The following STXBP4 variants were observed in gnomAD, a reference collection of about 807,000 sequenced individuals.
STXBP4 encodes the protein syntaxin binding protein 4, also known as syntaxin-binding protein 4.
Under a neutral mutation model 76.1 loss-of-function variants are expected in STXBP4, and 55 were observed. The ratio of observed to expected loss-of-function variants is 0.72; its 90% CI spans 0.58 to 0.91. The LOEUF is 0.91. STXBP4 is among the 40% of genes least tolerant of loss of function. The pLI is 0.00. For synonymous variants in STXBP4, 201 were observed against 220.2 expected (o/e 0.91, Z 0.77); for missense variants, 618 against 636.9 (o/e 0.97, Z 0.32).
chr17:55,030,448 C>G (rs1171794531), intron 8 of STXBP4, among the ~76,000 whole-genome samples: 1 of 152,118 alleles, frequency 6.6e-6, no homozygotes, highest in Non-Finnish European at 1.5e-5. Context: ...TGGCTAGTAC[C>G]TAGTTAGTTA....
At chr17:55,068,929 A>G (rs2079086809) in intron 12 of STXBP4, among the ~76,000 whole-genome samples, 1 of 152,074 alleles carries the variant, frequency 6.6e-6, no homozygotes, top group South Asian at 2.1e-4. Flanking sequence ...CTGTATGTGG[A>G]AAAACACATA....
intron 11 of STXBP4, among the ~76,000 whole-genome samples, chr17:55,045,067 A>G (rs1022180462): frequency 3.3e-5 from 5 of 152,130 alleles, no homozygotes; most frequent in Admixed American, 6.6e-5. Flanking sequence ...TTTGTACAGT[A>G]TATACACAGA....
At chr17:55,176,345 G>A (rs531689495), downstream of STXBP4, among the ~76,000 whole-genome samples, 4 of 152,164 alleles carry the variant, frequency 2.6e-5, no homozygotes, top group Non-Finnish European at 5.9e-5. Context: ...AGATATTGAC[G>A]AGGCATGTGG....
At chr17:55,174,290 A>G (rs2080420805), downstream of STXBP4, among the ~76,000 whole-genome samples, 1 of 152,252 alleles carries the variant, frequency 6.6e-6, no homozygotes, top group African/African-American at 2.4e-5. Context: ...TGGCTGTAGC[A>G]TTTAATATTC....
At chr17:54,997,751 A>ATTTTTTT (rs11291147) in intron 4 of STXBP4, among the ~76,000 whole-genome samples, 119 of 120,676 alleles carry the variant, frequency 9.9e-4, no homozygotes, top group Non-Finnish European at 1.7e-3. Flanking sequence ...TGTGCCAGCT[A>ATTTTTTT]TTTTTTTTTT....
the STXBP4 span, among the ~76,000 whole-genome samples, chr17:55,197,659 C>T: frequency 1.1e-4 from 17 of 151,804 alleles, no homozygotes; most frequent in Admixed American, 9.8e-4. Context: ...AGGAGAATGC[C>T]GTGAACTGGG....
chr17:55,208,240 A>T, the STXBP4 span, among the ~76,000 whole-genome samples: 3 of 151,996 alleles, frequency 2.0e-5, no homozygotes, highest in Non-Finnish European at 4.4e-5. Context: ...TTAATCTTTC[A>T]TAGCACTTCA....
chr17:55,024,735 A>C (rs1182024114), intron 8 of STXBP4, among the ~76,000 whole-genome samples: 1 of 152,196 alleles, frequency 6.6e-6, no homozygotes, highest in African/African-American at 2.4e-5. Context: ...TGATAAATCC[A>C]TGGTAGCATG....
chr17:55,096,136 G>C (rs925682449), intron 16 of STXBP4, among the ~76,000 whole-genome samples: 3 of 151,956 alleles, frequency 2.0e-5, no homozygotes, highest in African/African-American at 7.2e-5. Context: ...AGGTTTATGG[G>C]GGTTTTGTGT....
intron 10 of STXBP4, among the ~76,000 whole-genome samples, chr17:55,035,025 C>T (rs970892624): frequency 2.0e-5 from 3 of 152,078 alleles, no homozygotes; most frequent in East Asian, 1.9e-4. Flanking sequence ...ATTCATTATG[C>T]ATGGCAAACC....
chr17:55,176,960 C>G (rs1185286539), downstream of STXBP4, among the ~76,000 whole-genome samples: 1 of 152,094 alleles, frequency 6.6e-6, no homozygotes, highest in African/African-American at 2.4e-5. Flanking sequence ...CCACTTAGTT[C>G]TCAGGCCTCA....
At chr17:54,994,598 AAAC>A (rs1293078568) in intron 4 of STXBP4, among the ~76,000 whole-genome samples, 1 of 152,196 alleles carries the variant, frequency 6.6e-6, no homozygotes, top group Admixed American at 6.5e-5. Context: ...ACTGGAGCTT[AAAC>A]TGTCATCAGT....
At chr17:55,197,440 C>A in the STXBP4 span, among the ~76,000 whole-genome samples, 2 of 152,228 alleles carry the variant, frequency 1.3e-5, no homozygotes, top group African/African-American at 4.8e-5. Context: ...TTCCTGATTT[C>A]TTTTAGAAAT....
chr17:55,104,587 T>G lies in STXBP4; in HGVS notation c.1489+23404T>G, dbSNP rs533614253. On this transcript the variant is annotated intron_variant, in intron 16 of 17. Coordinates refer to ENST00000376352, the MANE Select transcript of STXBP4 (RefSeq NM_178509.6). Reference sequence around the variant, plus strand: ...ATCAGGGATATTGGCCTTAAATTTTTTTGTTGTTGTTGTGTCTTTGCCAGG... The same window carrying G: ...ATCAGGGATATTGGCCTTAAATTTTGTTGTTGTTGTTGTGTCTTTGCCAGG... Among the ~76,000 whole-genome samples the G allele has an allele frequency of 5.3e-5, 8 of 152,212 alleles. No homozygotes were observed. The East Asian group carries it at 7.7e-4, about 15-fold the overall frequency.
intron 16 of STXBP4, among the ~76,000 whole-genome samples, chr17:55,118,180 A>AAT (rs2079804516): frequency 6.6e-6 from 1 of 151,936 alleles, no homozygotes; most frequent in Admixed American, 6.6e-5. Flanking sequence ...CAGGAAAATC[A>AAT]ATATATATAT....
intron 17 of STXBP4, among the ~76,000 whole-genome samples, chr17:55,155,766 GA>G (rs1302618585): frequency 2.6e-5 from 4 of 152,148 alleles, no homozygotes; most frequent in African/African-American, 9.6e-5. Context: ...TATTTTGAAA[GA>G]AAACATTTTG....
intron 12 of STXBP4, among the ~76,000 whole-genome samples, chr17:55,071,447 C>T (rs2079117999): frequency 1.3e-5 from 2 of 152,162 alleles, no homozygotes; most frequent in African/African-American, 4.8e-5. Flanking sequence ...CATCTCAGGG[C>T]CTTCATGCAA....
intron 17 of STXBP4, among the ~76,000 whole-genome samples, chr17:55,159,401 A>C (rs1037857925): frequency 6.6e-6 from 1 of 152,234 alleles, no homozygotes; most frequent in Non-Finnish European, 1.5e-5. Flanking sequence ...TAGAGAATGA[A>C]TTAGAAAAGA....
intron 16 of STXBP4, among the ~76,000 whole-genome samples, chr17:55,089,702 A>G (rs1392000353): frequency 6.6e-6 from 1 of 152,224 alleles, no homozygotes; most frequent in Admixed American, 6.5e-5. Context: ...TTTAACTGAC[A>G]TATAGATTGA....
Sources: gnomAD v4.1 joint callset for allele counts (sites outside exome capture counted in the v4.1 genomes callset) on GRCh38, gnomAD v4.1.1 for gene constraint, MANE v1.5 for transcripts, NCBI Gene and HGNC (gene_info 2026-07-23, HGNC 2026-07-21) for gene names.